The following ALDH1L1 variants were observed in gnomAD, a reference collection of about 807,000 sequenced individuals.
The protein encoded by ALDH1L1 is aldehyde dehydrogenase 1 family member L1, also known as cytosolic 10-formyltetrahydrofolate dehydrogenase.
A neutral mutation model predicts 101.1 loss-of-function variants in ALDH1L1; 68 were observed. That is an observed-to-expected ratio of 0.67 (90% CI 0.55 to 0.82). ALDH1L1 has a LOEUF of 0.82. Ranked by LOEUF, ALDH1L1 falls within the 40% of genes least tolerant of loss-of-function variation. ALDH1L1 has a pLI of 0.00. For synonymous variants in ALDH1L1, 486 were observed against 470.8 expected, an observed-to-expected ratio of 1.03 and a Z score of -0.42; for missense variants, 1,087 against 1,172.7, an observed-to-expected ratio of 0.93 and a Z score of 1.07.
Position 126,153,523 on chromosome 3 carries a change from G to C in ALDH1L1, c.779C>G (p.Ala260Gly). 1 of 1,614,186 alleles carries C rather than the reference G, an allele frequency of 6.2e-7. No individual in the cohort carries two copies. The highest frequency in any genetic ancestry group is 8.5e-7 in the Non-Finnish European group (1 of 1,180,026). ...CCGATGGGCTCCTGGGATGGGCAAA[G>C]CGTCTCCCTCGGGCACCAGGCCTGA... ...NTSGLVPEGD[A>G]LPIPGAHRPG... is the part of the protein sequence containing the mutation. The change falls in exon 7 of 23, where the codon GCT becomes GGT. Residue 260 changes from alanine to glycine, a missense_variant. This residue lies in a region of ALDH1L1 where 645 missense variants were observed against 637.0 expected (regional missense o/e 1.01). Transcript: ENST00000393434.
rs368153188 is a variant in ALDH1L1, at chr3:126,114,640, C to T, written c.1999G>A (p.Val667Met). 4.0e-5 allele frequency: 61 copies of T among 1,521,140 alleles called. No homozygotes were observed. The highest frequency in any genetic ancestry group is 5.6e-5 in the African/African-American group (4 of 71,948). The allele number at this position is 1,521,140 out of a possible 1,614,324, so 94.2% of individuals were successfully genotyped here. A position where few individuals can be genotyped will look rare whatever the true frequency, so the allele number is the denominator to read the frequency against. ...HIMKSCAISN[V>M]KKVSLELGGK... ...CCCAGTTCCAGGGACACCTTCTTCACGTTACTTATGGCACAGCTGCAAGGA... is the reference window on the plus strand; with the variant it reads ...CCCAGTTCCAGGGACACCTTCTTCATGTTACTTATGGCACAGCTGCAAGGA... Residue 667 changes from valine (V) to methionine (M), a missense_variant, in exon 18 of 23, where the codon GTG (valine) becomes ATG (methionine). Physicochemically the swap from Val to Met is conservative, Grantham distance 21 (BLOSUM62 1). This residue lies in a region of ALDH1L1 where 442 missense variants were observed against 535.7 expected (regional missense o/e 0.83). Coordinates refer to ENST00000393434, the MANE Select transcript of ALDH1L1 (RefSeq NM_012190.4).
chr3:126,152,228 G>T (rs1170713278), intron 7 of ALDH1L1: 1 of 152,234 alleles, frequency 6.6e-6, no homozygotes. Flanking sequence ...TAATTGGAGG[G>T]TGCAGTTAAT....
chr3:126,184,820 G>T (rs1392732069), upstream of ALDH1L1, among the ~76,000 whole-genome samples: 1 of 152,186 alleles, frequency 6.6e-6, no homozygotes, highest in East Asian at 1.9e-4. Context: ...TAACTTGAAG[G>T]TCATAGCCTG....
intron 16 of ALDH1L1, among the ~76,000 whole-genome samples, chr3:126,122,605 T>C (rs1008479980): frequency 6.6e-6 from 1 of 152,136 alleles, no homozygotes; most frequent in African/African-American, 2.4e-5. Flanking sequence ...GTAATATATA[T>C]AGCAATATAT....
upstream of ALDH1L1, chr3:126,181,031 G>A (rs1576507108): frequency 6.9e-6 from 11 of 1,590,014 alleles, no homozygotes; most frequent in East Asian, 6.9e-5. Context: ...GCCGCTTGCA[G>A]AGGCGGCCCC....
chr3:126,110,668 A>G (rs1946048433), intron 19 of ALDH1L1, among the ~76,000 whole-genome samples: 1 of 152,052 alleles, frequency 6.6e-6, no homozygotes, highest in Admixed American at 6.6e-5. Flanking sequence ...ATCAGCCCTA[A>G]TCAGACACAG....
intron 1 of ALDH1L1, among the ~76,000 whole-genome samples, chr3:126,191,502 C>T (rs1256060408): frequency 6.6e-6 from 1 of 152,142 alleles, no homozygotes; most frequent in East Asian, 1.9e-4. Context: ...GCGGTAAGGC[C>T]GGTTTCTGCC....
At chr3:126,110,613 C>G (rs1166620965) in intron 19 of ALDH1L1, among the ~76,000 whole-genome samples, 5 of 152,106 alleles carry the variant, frequency 3.3e-5, no homozygotes, top group African/African-American at 1.2e-4. Flanking sequence ...GACCCTCCTC[C>G]TCCAAGGCCA....
chr3:126,143,940 TA>T (rs1171807942), intron 9 of ALDH1L1, among the ~76,000 whole-genome samples: 1 of 152,082 alleles, frequency 6.6e-6, no homozygotes, highest in African/African-American at 2.4e-5. Context: ...AGACCATGTC[TA>T]AAAAACAGAA....
chr3:126,176,038 T>C (rs187048298), intron 1 of ALDH1L1, among the ~76,000 whole-genome samples: 1 of 152,332 alleles, frequency 6.6e-6, no homozygotes, highest in East Asian at 1.9e-4. Context: ...ATTACTTTCT[T>C]ATATACTAGC....
chr3:126,170,424 T>TAAA (rs59239455), intron 1 of ALDH1L1, among the ~76,000 whole-genome samples: 7,728 of 121,052 alleles, frequency 0.064, 387 homozygotes, highest in East Asian at 0.18. Flanking sequence ...TGCCTGTCAT[T>TAAA]AAAAAAAAAA....
At chr3:126,188,931 A>AT (rs1559986033) in intron 1 of ALDH1L1, among the ~76,000 whole-genome samples, 1 of 152,092 alleles carries the variant, frequency 6.6e-6, no homozygotes, top group Admixed American at 6.5e-5. Flanking sequence ...TTTTAACCAA[A>AT]TAGCCTGTTT....
upstream of ALDH1L1, chr3:126,180,921 C>T (rs1318216864): frequency 2.5e-6 from 4 of 1,608,036 alleles, no homozygotes; most frequent in Admixed American, 5.0e-5. Context: ...CGGTGACTCA[C>T]TCACTCGCTC....
rs145207665 is a variant in ALDH1L1, at chr3:126,131,344, G to C, written c.1623+40C>G. 1,096 of 1,538,478 alleles carry C rather than the reference G, an allele frequency of 7.1e-4. 9 individuals carry two copies. In the African/African-American group the frequency reaches 0.013, roughly 19 times the overall value. On this transcript the variant is annotated intron_variant, in intron 13 of 22. Coordinates refer to ENST00000393434, the MANE Select transcript of ALDH1L1 (RefSeq NM_012190.4). ...GGAGTTCTCCTATATGGCTGGGCCA[G>C]TCTGCATGTGCTCACACTGGGTGGG...
chr3:126,121,281 A>G (rs74346725), intron 16 of ALDH1L1, among the ~76,000 whole-genome samples: 1,666 of 152,290 alleles, frequency 0.011, 25 homozygotes, highest in African/African-American at 0.037. Context: ...GCTGCCTTGC[A>G]GTGGTTTATG....
intron 1 of ALDH1L1, among the ~76,000 whole-genome samples, chr3:126,174,012 A>C (rs2081328423): frequency 6.6e-6 from 1 of 152,196 alleles, no homozygotes; most frequent in African/African-American, 2.4e-5. Flanking sequence ...ACAGTTGGAG[A>C]CATCAACACC....
At chr3:126,165,181 A>G (rs2108312890) in intron 1 of ALDH1L1, among the ~76,000 whole-genome samples, 1 of 152,204 alleles carries the variant, frequency 6.6e-6, no homozygotes, top group East Asian at 1.9e-4. Context: ...TGAGATGATC[A>G]TATAGTTTTT....
chr3:126,124,562 A>G (rs2080143121), intron 15 of ALDH1L1, 111 bp from the exon 16 acceptor site: 1 of 848,566 alleles, frequency 1.2e-6, no homozygotes. Flanking sequence ...CTGGGAGAGT[A>G]GCTGCAGATT....
intron 5 of ALDH1L1, 67 bp from the exon 6 acceptor site, chr3:126,154,710 T>G: frequency 9.8e-6 from 14 of 1,426,094 alleles, no homozygotes; most frequent in Non-Finnish European, 1.4e-5. Context: ...TGATGACATC[T>G]GGACAGTGGA....
Sources: allele counts gnomAD v4.1 joint callset (sites outside exome capture counted in the v4.1 genomes callset), GRCh38; gene constraint gnomAD v4.1.1; regional missense constraint gnomAD v4.1.1; transcripts MANE v1.5; gene names NCBI Gene and HGNC (gene_info 2026-07-23, HGNC 2026-07-21).